RGS6: variants seen among roughly 807,000 people sequenced by gnomAD.
RGS6 encodes regulator of G protein signaling 6, also known as regulator of G-protein signaling 6.
RGS6 carries 30 observed loss-of-function variants against 78.5 expected under a neutral mutation model. The ratio of observed to expected loss-of-function variants is 0.38; its 90% CI spans 0.29 to 0.52. RGS6 has a LOEUF of 0.52. Ranked by LOEUF, RGS6 falls within the 20% of genes least tolerant of loss-of-function variation. RGS6 has a pLI of 0.85. For missense variants in RGS6, 495 were observed against 609.7 expected, an observed-to-expected ratio of 0.81 and a Z score of 1.98; for synonymous variants, 206 against 206.0, an observed-to-expected ratio of 1.00 and a Z score of 0.00.
At chr14:71,878,557 A>C in the RGS6 span, among the ~76,000 whole-genome samples, 5 of 152,276 alleles carry the variant, frequency 3.3e-5, no homozygotes, top group Admixed American at 2.6e-4. Flanking sequence ...GGTGGGAGTG[A>C]CCCAATTTTC....
At chr14:71,933,588 C>G (rs1197799128) in intron 1 of RGS6, among the ~76,000 whole-genome samples, 1 of 152,168 alleles carries the variant, frequency 6.6e-6, no homozygotes, top group African/African-American at 2.4e-5. Context: ...GAAAGTGACC[C>G]AGAAAATTTA....
At chr14:72,547,281 G>A (rs1337046007) in intron 17 of RGS6, 2 of 1,535,646 alleles carry the variant, frequency 1.3e-6, no homozygotes, top group Non-Finnish European at 1.7e-6. Flanking sequence ...GTCAAGGAGA[G>A]GAGACCCAAC....
chr14:72,419,121 T>C (rs973561259), intron 3 of RGS6, among the ~76,000 whole-genome samples: 4 of 152,176 alleles, frequency 2.6e-5, no homozygotes, highest in Non-Finnish European at 5.9e-5. Context: ...CACAAGGGGA[T>C]ATTTTGTTCT....
chr14:72,397,683 G>C (rs1237639190), intron 3 of RGS6, among the ~76,000 whole-genome samples: 3 of 152,184 alleles, frequency 2.0e-5, no homozygotes, highest in Middle Eastern at 3.4e-3. Context: ...ATTGGCTGTG[G>C]GTTTGTCATA....
intron 11 of RGS6, 63 bp downstream of exon 11, chr14:72,476,903 A>G: frequency 4.3e-6 from 6 of 1,398,516 alleles, no homozygotes; most frequent in Non-Finnish European, 6.1e-6. Flanking sequence ...ACCCTTTCAA[A>G]TGTTCAACTC....
intron 2 of RGS6, among the ~76,000 whole-genome samples, chr14:72,091,123 C>T: frequency 1.6e-5 from 1 of 60,930 alleles, no homozygotes; most frequent in South Asian, 5.7e-4. Context: ...AGGGAGGGGA[C>T]TTCACACTGG....
chr14:72,448,487 T>A (rs546305199), intron 3 of RGS6, among the ~76,000 whole-genome samples: 5 of 148,646 alleles, frequency 3.4e-5, no homozygotes, highest in Admixed American at 6.9e-5. Context: ...GATCATTGCA[T>A]TTTTTTTCAA....
chr14:71,953,969 G>GTTTTTTTTTTTTTT (rs3053026), intron 1 of RGS6, among the ~76,000 whole-genome samples: 1 of 76,078 alleles, frequency 1.3e-5, no homozygotes, highest in African/African-American at 5.3e-5. Context: ...CTAAGTGGGC[G>GTTTTTTTTTTTTTT]TTTTTTTTTT....
At chr14:71,877,884 G>A in the RGS6 span, among the ~76,000 whole-genome samples, 1 of 152,170 alleles carries the variant, frequency 6.6e-6, no homozygotes, top group East Asian at 1.9e-4. Context: ...TTTTCTGTTT[G>A]TTAGTTTTCC....
the RGS6 span, among the ~76,000 whole-genome samples, chr14:72,598,948 C>G: frequency 6.6e-6 from 1 of 152,216 alleles, no homozygotes; most frequent in Non-Finnish European, 1.5e-5. Context: ...ACAGGATTCT[C>G]TATTACCCTA....
chr14:72,257,503 GT>G (rs1461409910), intron 2 of RGS6, among the ~76,000 whole-genome samples: 1 of 152,194 alleles, frequency 6.6e-6, no homozygotes, highest in Non-Finnish European at 1.5e-5. Flanking sequence ...AGTGAGGAAG[GT>G]GGGAGAGAAG....
intron 2 of RGS6, among the ~76,000 whole-genome samples, chr14:71,977,058 G>T (rs200590609): frequency 0.091 from 10,909 of 119,738 alleles, 1,882 homozygotes; most frequent in African/African-American, 0.32. Flanking sequence ...CATAAATGTC[G>T]TCTTTTGAGA....
At chr14:72,347,976 A>T (rs1006171796) in intron 2 of RGS6, among the ~76,000 whole-genome samples, 1 of 152,204 alleles carries the variant, frequency 6.6e-6, no homozygotes, top group Non-Finnish European at 1.5e-5. Context: ...AATGGGTTGT[A>T]TAGTGTAAGG....
intron 2 of RGS6, among the ~76,000 whole-genome samples, chr14:72,218,689 G>A (rs1232527543): frequency 6.6e-6 from 1 of 152,058 alleles, no homozygotes; most frequent in Non-Finnish European, 1.5e-5. Flanking sequence ...TTAGCTCACT[G>A]CAACCTCTAC....
rs76288755 is a variant in RGS6, at chr14:72,142,422, T to C, written c.84+177547T>C. ...AACTTTTCAGTGATTAAAATAAATA[T>C]ACCAATGCAGTCCCCTTCTCTGCGT... On this transcript the variant is annotated intron_variant, in intron 2 of 17. Coordinates refer to ENST00000553525, the MANE Select transcript of RGS6 (RefSeq NM_001204424.2). Among the ~76,000 whole-genome samples the C allele has an allele frequency of 3.9e-5, 6 of 152,134 alleles. No homozygotes were observed. The East Asian group carries it at 7.7e-4, about 20-fold the overall frequency.
At chr14:72,126,561 T>C (rs545608715) in intron 2 of RGS6, among the ~76,000 whole-genome samples, 180 of 152,378 alleles carry the variant, frequency 1.2e-3, no homozygotes, top group African/African-American at 4.3e-3. Context: ...TCCTTGGACA[T>C]TGTGAGCATT....
intron 2 of RGS6, among the ~76,000 whole-genome samples, chr14:72,219,135 G>A (rs947816143): frequency 3.2e-4 from 48 of 152,058 alleles, no homozygotes; most frequent in African/African-American, 1.1e-3. Flanking sequence ...ACCACCAAAA[G>A]GATACTAATT....
chr14:72,039,833 G>A (rs370108965), intron 2 of RGS6, among the ~76,000 whole-genome samples: 3 of 17,934 alleles, frequency 1.7e-4, no homozygotes, highest in Admixed American at 1.1e-3. Context: ...TTTTTTTTTT[G>A]GTGACATGCT....
chr14:72,325,039 G>A (rs1469504953), intron 2 of RGS6, among the ~76,000 whole-genome samples: 1 of 152,138 alleles, frequency 6.6e-6, no homozygotes, highest in East Asian at 1.9e-4. Context: ...CTTTTTAATG[G>A]TCGCCATTTT....
Sources: allele counts gnomAD v4.1 joint callset (sites outside exome capture counted in the v4.1 genomes callset), GRCh38; gene constraint gnomAD v4.1.1; transcripts MANE v1.5; gene names NCBI Gene and HGNC (gene_info 2026-07-23, HGNC 2026-07-21).